Variants in MMP3 observed in about 807,000 individuals in gnomAD.
MMP3 encodes the protein stromelysin-1.
Under a neutral mutation model 47.3 loss-of-function variants are expected in MMP3, and 46 were observed. The observed-to-expected ratio is 0.97, with a 90% CI of 0.77 to 1.24. MMP3 has a LOEUF of 1.24. MMP3 is among the 50% of genes most tolerant of loss of function. The probability of loss-of-function intolerance (pLI) is 0.00; values close to 1 mark genes in which losing one functional copy is unlikely to be tolerated. For synonymous variants in MMP3, 216 were observed against 206.5 expected (o/e 1.05, Z -0.39); for missense variants, 558 against 565.5 (o/e 0.99, Z 0.13).
At position 102,837,291 on chromosome 11, in the gene MMP3, C is replaced by T. The variant is rs376779867; in HGVS notation, c.1333+7G>A. 13 of 1,602,474 alleles carry T rather than the reference C, an allele frequency of 8.1e-6. No homozygotes were observed. The South Asian group carries it at 1.1e-4, about 14-fold the overall frequency. ...CTCTATGGCCAACACAGTAAGTATC[C>T]TCTTACCAAATTCTTCAAAAACAGC... On this transcript the variant is annotated splice_region_variant and intron_variant, in intron 9 of 9. Transcript: ENST00000299855. The surrounding 1 kb of genome is among the most constrained non-coding windows in gnomAD (Gnocchi z 4.4).
At chr11:102,842,404 C>CTTTTTTTTTTTTTTTTTTTTTTTTTTGT (rs11418340) in intron 3 of MMP3, 27 bp downstream of exon 3, 7 of 813,324 alleles carry the variant, frequency 8.6e-6, no homozygotes, top group Non-Finnish European at 1.1e-5. Context: ...TTTTGTTTTG[C>CTTTTTTTTTTTTTTTTTTTTTTTTTTGT]TTTTTTTTTT....
Position 102,837,435 on chromosome 11 carries a change from A to G in MMP3, c.1230-34T>C. 1 of 1,472,256 alleles carries G rather than the reference A, an allele frequency of 6.8e-7. No homozygotes were observed. Among genetic ancestry groups the G allele is most frequent in the South Asian group, 1.2e-5 (1 of 86,532 alleles). The allele number at this position is 1,472,256 out of a possible 1,614,324, so 91.2% of individuals were successfully genotyped here. On this transcript the variant is annotated intron_variant, in intron 8 of 9. Coordinates refer to ENST00000299855, the MANE Select transcript of MMP3 (RefSeq NM_002422.5). This position sits in a 1 kb window ranked among gnomAD's most constrained non-coding sequence, Gnocchi z 4.4. ...AGTAAAAGAAACAGCTCAGCATTGC[A>G]TAGAGGCCATGTTACCGAACATCTT... is the stretch of plus-strand genomic sequence containing the variant.
chr11:102,838,850 G>T, intron 7 of MMP3, 140 bp from the exon 8 acceptor site: 1 of 1,081,726 alleles, frequency 9.2e-7, no homozygotes, highest in Non-Finnish European at 1.3e-6. Flanking sequence ...CTTACAGTGG[G>T]CTTTTCACAA....
rs1858903253 is a variant in MMP3, at chr11:102,837,440, G to A, written c.1230-39C>T. The A allele has an allele frequency of 1.4e-6, 2 of 1,441,928 alleles. No homozygotes were observed. Among genetic ancestry groups the A allele is most frequent in the African/African-American group, 1.4e-5 (1 of 70,992 alleles). 89.3% of individuals were successfully genotyped at this position (1,441,928 alleles called of 1,614,324 possible). On this transcript the variant is annotated intron_variant, in intron 8 of 9. Coordinates refer to ENST00000299855, the MANE Select transcript of MMP3 (RefSeq NM_002422.5). This position sits in a 1 kb window ranked among gnomAD's most constrained non-coding sequence, Gnocchi z 4.4. ...AAGAAACAGCTCAGCATTGCATAGA[G>A]GCCATGTTACCGAACATCTTAGATC...
At position 102,838,562 on chromosome 11, in the gene MMP3, G is replaced by A. The variant is rs1555004932; in HGVS notation, c.1218C>T (p.Asp406=). Residue 406 remains aspartate, a synonymous_variant, in exon 8 of 10, where the codon GAC becomes GAT. Coordinates refer to ENST00000299855, the MANE Select transcript of MMP3 (RefSeq NM_002422.5). ...EKNKTYFFVE[D]KYWRFDEKRN... ...CTCTTGCATCTCACCTCCAGTATTT[G>A]TCCTCTACAAAGAAATATGTTTTGT... The A allele has an allele frequency of 1.1e-5, 17 of 1,613,144 alleles. No homozygotes were observed. The highest frequency in any genetic ancestry group is 1.1e-5 in the Non-Finnish European group (13 of 1,179,742).
chr11:102,842,453 T>G lies in MMP3; in HGVS notation c.477A>C (p.Ile159=), dbSNP rs2134402327. 1 of 1,164,178 alleles carries G rather than the reference T, an allele frequency of 8.6e-7. No individual in the cohort carries two copies. The highest frequency in any genetic ancestry group is 2.8e-5 in the East Asian group (1 of 35,500). 72.1% of individuals were successfully genotyped at this position (1,164,178 alleles called of 1,614,324 possible). Reference sequence around the variant, plus strand: ...TACCTCTAACTGCAAAAGAGATCATTATATCAGCCTCTCCTTCATACAGCC... The same window carrying G: ...TACCTCTAACTGCAAAAGAGATCATGATATCAGCCTCTCCTTCATACAGCC... ...FSRLYEGEAD[I]MISFAVREHG... Residue 159 remains isoleucine (I), a synonymous_variant, in exon 3 of 10, where the codon ATA becomes ATC. Coordinates refer to ENST00000299855, the MANE Select transcript of MMP3 (RefSeq NM_002422.5).
Position 102,842,733 on chromosome 11 carries a change from C to T in MMP3, c.289G>A (p.Val97Ile), listed in dbSNP as rs547601378. Residue 97 changes from valine to isoleucine, a missense_variant, in exon 2 of 10, where the codon GTT (valine) becomes ATT (isoleucine). By Grantham distance (29) the Val-to-Ile change is conservative. Transcript: ENST00000299855. ...CCAGGAAAGGTTCTGAAGTGACCAA[C>T]ATCAGGAACTCCACACCTGGGCTTG... ...MRKPRCGVPDVGHFRTFPGIP... is the reference protein window; with the variant it reads ...MRKPRCGVPDIGHFRTFPGIP... The T allele has an allele frequency of 4.2e-5, 67 of 1,613,976 alleles. No individual in the cohort carries two copies. The African/African-American group carries it at 5.1e-4, about 12-fold the overall frequency.
chr11:102,840,222 A>T lies in MMP3; in HGVS notation c.821T>A (p.Leu274Gln), dbSNP rs1565225231. ...GPPPDSPETP[L>Q]VPTEPVPPEP... is the part of the protein sequence containing the mutation. Reference sequence around the variant, plus strand: ...TGGAGGGACAGGTTCCGTGGGTACCAGGGGGGTCTCAGGGGAGTCAGGGGG... The same window carrying T: ...TGGAGGGACAGGTTCCGTGGGTACCTGGGGGGTCTCAGGGGAGTCAGGGGG... The change falls in exon 6 of 10, where the codon CTG (leucine) becomes CAG (glutamine). Residue 274 changes from leucine (L) to glutamine (Q), a missense_variant. Leu to Gln is a moderately radical substitution (Grantham distance 113). Coordinates refer to ENST00000299855, the MANE Select transcript of MMP3 (RefSeq NM_002422.5). 6.2e-7 allele frequency: 1 copy of T among 1,614,046 alleles called. No homozygotes were observed. Among genetic ancestry groups the T allele is most frequent in the Non-Finnish European group, 8.5e-7 (1 of 1,179,948 alleles).
In MMP3 at chr11:102,839,140, T is replaced by G; in HGVS notation, c.1039A>C (p.Thr347Pro). 1 of 1,613,978 alleles carries G rather than the reference T, an allele frequency of 6.2e-7. No homozygotes were observed. Among genetic ancestry groups the G allele is most frequent in the African/African-American group, 1.3e-5 (1 of 75,034 alleles). ...PSGVDAAYEV[T>P]SKDLVFIFKG... ...AAAATGAAAACGAGGTCCTTGCTAG[T>G]AACTTCATATGCGGCATCCACGCCT... is the stretch of plus-strand genomic sequence containing the variant. The change falls in exon 7 of 10, where the codon ACT becomes CCT. Residue 347 changes from threonine to proline, a missense_variant. Transcript: ENST00000299855.
At chr11:102,838,761 C>G (rs1030531474) in intron 7 of MMP3, 51 bp from the exon 8 acceptor site, 1 of 1,549,828 alleles carries the variant, frequency 6.5e-7, no homozygotes, top group Admixed American at 2.0e-5. Flanking sequence ...CAGTTAAGCC[C>G]TTTCGCTTTA....
rs782035425 is a variant in MMP3, at chr11:102,840,547, C to T, written c.672G>A (p.Leu224=). 5 of 1,613,880 alleles carry T rather than the reference C, an allele frequency of 3.1e-6. No homozygotes were observed. In the Admixed American group the frequency reaches 8.3e-5, roughly 27 times the overall value. ...LVAAHEIGHS[L]GLFHSANTEA... is the part of the protein sequence containing the mutation. ...CAGTGTTGGCTGAGTGAAAGAGACC[C>T]AGGGAGTGGCCAATTTCATGAGCAG... The change falls in exon 5 of 10, where the codon CTG becomes CTA. Residue 224 remains leucine (L), a synonymous_variant. Coordinates refer to ENST00000299855, the MANE Select transcript of MMP3 (RefSeq NM_002422.5).
rs41357345 is a variant in MMP3, at chr11:102,840,477, G to A, written c.742C>T (p.Arg248Trp). 1,418 of 1,614,086 alleles carry A rather than the reference G, an allele frequency of 8.8e-4. No homozygotes were observed. The highest frequency in any genetic ancestry group is 1.1e-3 in the Non-Finnish European group (1,265 of 1,180,000). ...PLYHSLTDLT[R>W]FRLSQDDING... Reference sequence around the variant, plus strand: ...ATATCATCTTGAGACAGGCGGAACCGAGTCAGGTCTGTGAGTGAGTGATAG... The same window carrying A: ...ATATCATCTTGAGACAGGCGGAACCAAGTCAGGTCTGTGAGTGAGTGATAG... Residue 248 changes from arginine (R) to tryptophan (W), a missense_variant, in exon 5 of 10, where the codon CGG (arginine) becomes TGG (tryptophan). By Grantham distance (101) the Arg-to-Trp change is moderately radical. Coordinates refer to ENST00000299855, the MANE Select transcript of MMP3 (RefSeq NM_002422.5).
chr11:102,835,951 C>T lies in MMP3; in HGVS notation c.*175G>A. The stretch of plus-strand genomic sequence containing the variant: ...GCTAAGCAGCAGCCCATTTGAATGC[C>T]CTGTAATAACATAAAAATGACCGGC... On this transcript the variant is annotated 3_prime_UTR_variant, in exon 10 of 10. Transcript: ENST00000299855. 3.5e-6 allele frequency: 2 copies of T among 569,400 alleles called. No homozygotes were observed. Among genetic ancestry groups the T allele is most frequent in the East Asian group, 5.7e-5 (2 of 35,068 alleles). 35.3% of individuals were successfully genotyped at this position (569,400 alleles called of 1,614,324 possible).
intron 8 of MMP3, among the ~76,000 whole-genome samples, chr11:102,838,171 G>A (rs954512871): frequency 2.6e-5 from 4 of 152,142 alleles, no homozygotes; most frequent in Admixed American, 2.0e-4. Flanking sequence ...GGAAGGGAAC[G>A]CTAAATTGCG....
At chr11:102,839,015 G>C in intron 7 of MMP3, 95 bp downstream of exon 7, 1 of 1,365,940 alleles carries the variant, frequency 7.3e-7, no homozygotes, top group African/African-American at 1.5e-5. Flanking sequence ...TACTGTATTA[G>C]CCAGAACTTG....
Position 102,842,271 on chromosome 11 carries a change from C to T in MMP3, c.508G>A (p.Asp170Asn). 1.2e-6 allele frequency: 2 copies of T among 1,601,092 alleles called. No individual in the cohort carries two copies. The highest frequency in any genetic ancestry group is 1.7e-6 in the Non-Finnish European group (2 of 1,176,570). The stretch of plus-strand genomic sequence containing the variant: ...CCAGGTCCATCAAAAGGGTAAAAGT[C>T]TCCATGTTCTAGTAGGAAAAAAATT... ...MISFAVREHG[D>N]FYPFDGPGNV... The change falls in exon 4 of 10, where the codon GAC becomes AAC. Residue 170 changes from aspartate (D) to asparagine (N), a missense_variant. Physicochemically the swap from Asp to Asn is conservative, Grantham distance 23 (BLOSUM62 1). Coordinates refer to ENST00000299855, the MANE Select transcript of MMP3 (RefSeq NM_002422.5).
Position 102,840,183 on chromosome 11 carries a change from G to A in MMP3, c.860C>T (p.Pro287Leu). 1.2e-6 allele frequency: 2 copies of A among 1,614,096 alleles called. No individual in the cohort carries two copies. Among genetic ancestry groups the A allele is most frequent in the South Asian group, 2.2e-5 (2 of 91,070 alleles). The change falls in exon 6 of 10, where the codon CCA (proline) becomes CTA (leucine). Residue 287 changes from proline (P) to leucine (L), a missense_variant. By Grantham distance (98) the Pro-to-Leu change is moderately conservative (BLOSUM62 -3). Transcript: ENST00000299855. ...GGACAAAGCAGGATCACAGTTGGCTGGCGTCCCAGGTTCTGGAGGGACAGG... is the reference window on the plus strand; with the variant it reads ...GGACAAAGCAGGATCACAGTTGGCTAGCGTCCCAGGTTCTGGAGGGACAGG... ...TEPVPPEPGTPANCDPALSFD... is the reference protein window; with the variant it reads ...TEPVPPEPGTLANCDPALSFD...
rs1482974585 is a variant in MMP3, at chr11:102,842,057, C to T, written c.625+97G>A. The T allele has an allele frequency of 4.8e-6, 6 of 1,243,452 alleles. No individual in the cohort carries two copies. The South Asian group carries it at 1.2e-4, about 26-fold the overall frequency. The allele number at this position is 1,243,452 out of a possible 1,614,324, so 77.0% of individuals were successfully genotyped here. On this transcript the variant is annotated intron_variant, in intron 4 of 9. Transcript: ENST00000299855. ...GCTGATCTCTGATCCACTGGAAAATCCAGAACATCTCATTTCTTGAGCATT... is the reference window on the plus strand; with the variant it reads ...GCTGATCTCTGATCCACTGGAAAATTCAGAACATCTCATTTCTTGAGCATT...
intron 1 of MMP3, 35 bp downstream of exon 1, chr11:102,843,407 C>G (rs781784422): frequency 1.3e-6 from 2 of 1,501,606 alleles, no homozygotes; most frequent in South Asian, 2.3e-5. Context: ...ACTCTGGAAG[C>G]TCCCCACCTG....
Sources: gnomAD v4.1 joint callset for allele counts (sites outside exome capture counted in the v4.1 genomes callset) on GRCh38, gnomAD v4.1.1 for gene constraint, Gnocchi (gnomAD v3.1) non-coding constraint, MANE v1.5 for transcripts, NCBI Gene and HGNC (gene_info 2026-07-23, HGNC 2026-07-21) for gene names.